The following LRRIQ3 variants were observed in gnomAD, a reference collection of about 807,000 sequenced individuals.
LRRIQ3 encodes leucine rich repeats and IQ motif containing 3, also known as leucine-rich repeat and IQ domain-containing protein 3.
LRRIQ3 carries 75 observed loss-of-function variants against 59.3 expected under a neutral mutation model. The ratio of observed to expected loss-of-function variants is 1.26; its 90% confidence interval spans 1.05 to 1.53. The LOEUF (loss-of-function observed/expected upper bound fraction) is 1.53, where lower values mean the gene tolerates loss of function less well. Among genes scored for constraint, LRRIQ3 ranks in the 40% most tolerant of loss-of-function variants. The probability of loss-of-function intolerance (pLI) is 0.00; values close to 1 mark genes in which losing one functional copy is unlikely to be tolerated. For synonymous variants in LRRIQ3, 250 were observed against 231.3 expected (o/e 1.08, Z -0.73); for missense variants, 831 against 710.0 (o/e 1.17, Z -1.94).
intron 6 of LRRIQ3, among the ~76,000 whole-genome samples, chr1:74,062,620 T>C (rs1459753505): frequency 6.6e-6 from 1 of 151,922 alleles, no homozygotes; most frequent in Non-Finnish European, 1.5e-5. Context: ...ATAAAGAAAA[T>C]GTGGTATATA....
At chr1:74,065,442 T>C (rs1654840164) in intron 6 of LRRIQ3, among the ~76,000 whole-genome samples, 1 of 151,704 alleles carries the variant, frequency 6.6e-6, no homozygotes, top group African/African-American at 2.4e-5. Flanking sequence ...CTAGAAGAGC[T>C]GACATCAGAG....
At chr1:74,060,168 G>C (rs558998278) in intron 6 of LRRIQ3, among the ~76,000 whole-genome samples, 1 of 150,282 alleles carries the variant, frequency 6.7e-6, no homozygotes, top group Non-Finnish European at 1.5e-5. Flanking sequence ...CTTCTTCGTC[G>C]TCATCTTCTT....
chr1:74,039,934 A>G (rs1424700174), intron 7 of LRRIQ3, among the ~76,000 whole-genome samples: 1 of 152,138 alleles, frequency 6.6e-6, no homozygotes, highest in East Asian at 1.9e-4. Context: ...TCACACATAA[A>G]AATATTAACC....
intron 5 of LRRIQ3, among the ~76,000 whole-genome samples, chr1:74,106,608 A>G (rs1485294582): frequency 2.0e-5 from 3 of 151,984 alleles, no homozygotes; most frequent in Non-Finnish European, 4.4e-5. Flanking sequence ...ATAAGTTTAT[A>G]AGGAATTTGA....
intron 3 of LRRIQ3, among the ~76,000 whole-genome samples, chr1:74,167,854 T>G (rs1222066704): frequency 6.6e-6 from 1 of 151,914 alleles, no homozygotes; most frequent in Non-Finnish European, 1.5e-5. Flanking sequence ...CCTTGACTAA[T>G]GGATTTATTA....
chr1:74,166,772 A>G (rs1649016988), intron 3 of LRRIQ3, among the ~76,000 whole-genome samples: 1 of 151,752 alleles, frequency 6.6e-6, no homozygotes, highest in Non-Finnish European at 1.5e-5. Context: ...CTTTTACACC[A>G]TCCTCTTTTG....
intron 3 of LRRIQ3, among the ~76,000 whole-genome samples, chr1:74,179,034 G>A (rs1395696698): frequency 6.6e-6 from 1 of 152,018 alleles, no homozygotes; most frequent in Non-Finnish European, 1.5e-5. Context: ...CTAACTTTCT[G>A]TAACATGATG....
At chr1:74,188,149 C>T (rs1477984378) in intron 1 of LRRIQ3, among the ~76,000 whole-genome samples, 1 of 152,016 alleles carries the variant, frequency 6.6e-6, no homozygotes, top group Non-Finnish European at 1.5e-5. Context: ...ATATTATCCT[C>T]AGCAAAAAAA....
chr1:74,096,321 C>A (rs553398093), intron 5 of LRRIQ3, among the ~76,000 whole-genome samples: 2 of 152,136 alleles, frequency 1.3e-5, no homozygotes, highest in Non-Finnish European at 2.9e-5. Flanking sequence ...TATGGTGGAT[C>A]CTTTAAAAAG....
intron 7 of LRRIQ3, among the ~76,000 whole-genome samples, chr1:74,039,542 C>T (rs1653979095): frequency 6.6e-6 from 1 of 151,824 alleles, no homozygotes; most frequent in African/African-American, 2.4e-5. Flanking sequence ...GAGAGAAAGG[C>T]CAAGTAATCT....
At chr1:74,113,577 C>T (rs1646733767) in intron 4 of LRRIQ3, among the ~76,000 whole-genome samples, 1 of 151,880 alleles carries the variant, frequency 6.6e-6, no homozygotes, top group African/African-American at 2.4e-5. Flanking sequence ...CTATGGCTCT[C>T]TTATGAGAAA....
chr1:74,112,011 C>T (rs1189384740), intron 4 of LRRIQ3, among the ~76,000 whole-genome samples: 1 of 152,104 alleles, frequency 6.6e-6, no homozygotes, highest in Non-Finnish European at 1.5e-5. Flanking sequence ...AATCAAGGTG[C>T]AACGGGGAGA....
At chr1:74,045,986 T>A (rs930839121) in intron 6 of LRRIQ3, among the ~76,000 whole-genome samples, 4 of 152,134 alleles carry the variant, frequency 2.6e-5, no homozygotes, top group African/African-American at 9.7e-5. Context: ...AAACATTCCA[T>A]CCTCATGGAT....
chr1:74,141,127 CT>C (rs1557636658), intron 4 of LRRIQ3, among the ~76,000 whole-genome samples: 2 of 151,722 alleles, frequency 1.3e-5, no homozygotes, highest in Non-Finnish European at 2.9e-5. Flanking sequence ...TAATTTGCGT[CT>C]TTTTACATTC....
chr1:74,188,606 G>A (rs1650561232), intron 1 of LRRIQ3, among the ~76,000 whole-genome samples: 2 of 152,108 alleles, frequency 1.3e-5, no homozygotes, highest in South Asian at 2.1e-4. Context: ...ATTTATATAT[G>A]TTATTATTTA....
intron 6 of LRRIQ3, 86 bp from the exon 7 acceptor site, chr1:74,042,019 A>C: frequency 7.6e-7 from 1 of 1,313,750 alleles, no homozygotes; most frequent in Non-Finnish European, 9.9e-7. Flanking sequence ...TAAACTTGAT[A>C]AGAACCTTTT....
chr1:74,196,972 A>G (rs113077353), intron 1 of LRRIQ3, among the ~76,000 whole-genome samples: 9 of 152,340 alleles, frequency 5.9e-5, no homozygotes, highest in African/African-American at 2.2e-4. Context: ...AGTAAAAACC[A>G]AAATTCTTCC....
intron 7 of LRRIQ3, among the ~76,000 whole-genome samples, chr1:74,030,650 T>C (rs1204056182): frequency 6.6e-6 from 1 of 152,108 alleles, no homozygotes. Context: ...CCTAAAACCA[T>C]AAAAACCCTA....
intron 7 of LRRIQ3, among the ~76,000 whole-genome samples, chr1:74,032,943 A>T (rs1295559489): frequency 1.3e-5 from 2 of 152,056 alleles, no homozygotes; most frequent in Non-Finnish European, 2.9e-5. Flanking sequence ...GGTAAATATA[A>T]AATATATAGA....
Sources: gnomAD v4.1 joint callset for allele counts (sites outside exome capture counted in the v4.1 genomes callset) on GRCh38, gnomAD v4.1.1 for gene constraint, MANE v1.5 for transcripts, NCBI Gene and HGNC (gene_info 2026-07-23, HGNC 2026-07-21) for gene names.